THRAP3: variants seen among roughly 807,000 people sequenced by gnomAD.
THRAP3 encodes the protein thyroid hormone receptor associated protein 3.
A neutral mutation model predicts 101.0 loss-of-function variants in THRAP3; 16 were observed. The ratio of observed to expected loss-of-function variants is 0.16; its 90% confidence interval spans 0.11 to 0.24. THRAP3 has a LOEUF of 0.24. Among genes scored for constraint, THRAP3 ranks in the 10% least tolerant of loss-of-function variants. The pLI is 1.00. For synonymous variants in THRAP3, 407 were observed against 422.6 expected (o/e 0.96, Z 0.45); for missense variants, 989 against 1,202.7 (o/e 0.82, Z 2.63).
Position 36,256,799 on chromosome 1 carries a change from ATTC to A in THRAP3, c.-134-2580_-134-2578del, listed in dbSNP as rs374675522. On this transcript the variant is annotated intron_variant, in intron 1 of 11. Coordinates refer to ENST00000354618, the MANE Select transcript of THRAP3 (RefSeq NM_005119.4). ...ATTGGTAACCGTTTGCATTGCAGAC[ATTC>A]TTTTTTTTTGAGACAAGAGTTTCGC... 1.6e-3 allele frequency among the ~76,000 whole-genome samples: 237 copies of A among 151,922 alleles called. 2 individuals carry two copies. Among genetic ancestry groups the A allele is most frequent in the African/African-American group, 5.3e-3 (221 of 41,432 alleles).
upstream of THRAP3, among the ~76,000 whole-genome samples, chr1:36,219,930 C>G (rs1644894261): frequency 6.6e-6 from 1 of 152,170 alleles, no homozygotes; most frequent in African/African-American, 2.4e-5. Flanking sequence ...TCCTAAGGCC[C>G]TTAAGAATTA....
At position 36,292,611 on chromosome 1, in the gene THRAP3, G is replaced by A. The variant is rs1277834302; in HGVS notation, c.1932G>A (p.Gly644=). The change falls in exon 7 of 12, where the codon GGG becomes GGA. Residue 644 remains glycine (G), a synonymous_variant. Transcript: ENST00000354618. ...TAATCCCAACAGAGCATCACTTTGGGTCCTCAGGAATGACATTACATGAAC... is the reference window on the plus strand; with the variant it reads ...TAATCCCAACAGAGCATCACTTTGGATCCTCAGGAATGACATTACATGAAC... ...IVHHVKEHHF[G]SSGMTLHERF... is the part of the protein sequence containing the mutation. 1 of 1,613,174 alleles carries A rather than the reference G, an allele frequency of 6.2e-7. No individual in the cohort carries two copies. Among genetic ancestry groups the A allele is most frequent in the South Asian group, 1.1e-5 (1 of 90,952 alleles).
rs71053920 is a variant in THRAP3 at position 36,293,028 on chromosome 1, C to CTTTTTTTTTTTTTTT, written c.2030+323_2030+337dup. The stretch of plus-strand genomic sequence containing the variant: ...AGTAAATGCTAGTTTCTTTTCTTGT[C>CTTTTTTTTTTTTTTT]TTTTTTTTTTTTTTTTTTGAGATGG... On this transcript the variant is annotated intron_variant, in intron 7 of 11. Coordinates refer to ENST00000354618, the MANE Select transcript of THRAP3 (RefSeq NM_005119.4). Among the ~76,000 whole-genome samples the CTTTTTTTTTTTTTTT allele has an allele frequency of 2.4e-3, 196 of 82,816 alleles. 25 individuals are homozygous for CTTTTTTTTTTTTTTT. Among genetic ancestry groups the CTTTTTTTTTTTTTTT allele is most frequent in the Non-Finnish European group, 3.4e-3 (151 of 44,568 alleles). 54.3% of individuals were successfully genotyped at this position (82,816 alleles called of 152,430 possible).
At chr1:36,225,255 TG>T (rs1426637556) in intron 1 of THRAP3, among the ~76,000 whole-genome samples, 1 of 152,196 alleles carries the variant, frequency 6.6e-6, no homozygotes, top group Non-Finnish European at 1.5e-5. Flanking sequence ...ACAGTGTTTA[TG>T]GGGAATTTGT....
intron 1 of THRAP3, among the ~76,000 whole-genome samples, chr1:36,233,903 C>T (rs1186050199): frequency 6.6e-6 from 1 of 152,188 alleles, no homozygotes; most frequent in African/African-American, 2.4e-5. Flanking sequence ...TCAATCAGAA[C>T]AGTTGTGCAT....
intron 1 of THRAP3, among the ~76,000 whole-genome samples, chr1:36,233,279 G>A (rs924789241): frequency 2.0e-5 from 3 of 151,680 alleles, no homozygotes; most frequent in African/African-American, 7.3e-5. Flanking sequence ...AGGCTGAGAT[G>A]GGCGGATCAC....
At chr1:36,233,193 A>G (rs1016837386) in intron 1 of THRAP3, among the ~76,000 whole-genome samples, 1 of 149,602 alleles carries the variant, frequency 6.7e-6, no homozygotes, top group African/African-American at 2.4e-5. Context: ...TAAGATGTGT[A>G]CATTTATTGT....
Position 36,300,985 on chromosome 1 carries a change from AAG to A in THRAP3, c.2408_2409del (p.Glu803GlyfsTer7). ...AAGAGTACACTGAAGAGACAGAGGA[AAG>A]AGAGGAGAGCACCACGGGCTTTGAC... ...AEEYTEETEE[R>X]EESTTGFDKS... On this transcript the variant is annotated frameshift_variant, in exon 10 of 12. Coordinates refer to ENST00000354618, the MANE Select transcript of THRAP3 (RefSeq NM_005119.4). LOFTEE classifies it high-confidence loss of function. 2 of 1,614,178 alleles carry A rather than the reference AAG, an allele frequency of 1.2e-6. No homozygotes were observed. The highest frequency in any genetic ancestry group is 1.7e-6 in the Non-Finnish European group (2 of 1,180,016).
At position 36,243,917 on chromosome 1, in the gene THRAP3, C is replaced by T. The variant is rs1424769814; in HGVS notation, c.-134-15465C>T. 1.1e-4 allele frequency among the ~76,000 whole-genome samples: 15 copies of T among 136,744 alleles called. 1 individual carries two copies. Among genetic ancestry groups the T allele is most frequent in the African/African-American group, 2.5e-4 (9 of 36,692 alleles). The allele number at this position is 136,744 out of a possible 152,430, so 89.7% of individuals were successfully genotyped here. A position where few individuals can be genotyped will look rare whatever the true frequency, so the allele number is the denominator to read the frequency against. ...CTCCCAGACGGGGCGGCTGGCCGGG[C>T]GGGGGGCTGACCCCCCCACCTCCCT... On this transcript the variant is annotated intron_variant, in intron 1 of 11. Transcript: ENST00000354618.
intron 2 of THRAP3, among the ~76,000 whole-genome samples, chr1:36,271,226 A>G (rs1014434610): frequency 6.6e-6 from 1 of 152,212 alleles, no homozygotes; most frequent in Non-Finnish European, 1.5e-5. Flanking sequence ...TTCAGTATTT[A>G]AAGTTTTAAG....
intron 8 of THRAP3, among the ~76,000 whole-genome samples, chr1:36,295,956 T>TA: frequency 3.0e-5 from 1 of 32,832 alleles, no homozygotes; most frequent in Non-Finnish European, 7.3e-5. Context: ...CTTCTCAACT[T>TA]TTTTTTTTTT....
Position 36,286,696 on chromosome 1 carries a change from C to G in THRAP3, c.466C>G (p.Arg156Gly). The change falls in exon 4 of 12, where the codon CGC becomes GGC. Residue 156 changes from arginine to glycine, a missense_variant. Arg to Gly is a moderately radical substitution (Grantham distance 125). Coordinates refer to ENST00000354618, the MANE Select transcript of THRAP3 (RefSeq NM_005119.4). This position sits in a 1 kb window ranked among gnomAD's most constrained non-coding sequence, Gnocchi z 5.5. Reference sequence around the variant, plus strand: ...TAAGTCGTCTTCTGACCGGTCAAGGCGCTCCTCATCCTCCCGTTCTTCCTC... The same window carrying G: ...TAAGTCGTCTTCTGACCGGTCAAGGGGCTCCTCATCCTCCCGTTCTTCCTC... ...SDKSSSDRSR[R>G]SSSSRSSSNH... 1.2e-6 allele frequency: 2 copies of G among 1,614,200 alleles called. No homozygotes were observed. Among genetic ancestry groups the G allele is most frequent in the Non-Finnish European group, 1.7e-6 (2 of 1,180,040 alleles).
intron 2 of THRAP3, among the ~76,000 whole-genome samples, chr1:36,280,055 C>T (rs190528536): frequency 2.0e-5 from 3 of 152,228 alleles, no homozygotes; most frequent in Non-Finnish European, 1.5e-5. Flanking sequence ...GAGGCCAGGG[C>T]AGGAGGATCC....
chr1:36,226,546 A>C (rs1281691527), intron 1 of THRAP3, among the ~76,000 whole-genome samples: 1 of 152,214 alleles, frequency 6.6e-6, no homozygotes, highest in East Asian at 1.9e-4. Flanking sequence ...GGCGTAAGCC[A>C]CCGCGCCCGG....
chr1:36,273,636 A>G (rs1217146226), intron 2 of THRAP3, among the ~76,000 whole-genome samples: 1 of 152,216 alleles, frequency 6.6e-6, no homozygotes, highest in African/African-American at 2.4e-5. Flanking sequence ...AAGAAGTAAA[A>G]TCATCTCTTT....
intron 6 of THRAP3, 65 bp from the exon 7 acceptor site, chr1:36,292,533 G>T: frequency 7.7e-7 from 1 of 1,293,904 alleles, no homozygotes; most frequent in African/African-American, 1.5e-5. Context: ...GCCTCCGAAA[G>T]TGGTGGGATT....
chr1:36,211,042 T>C, the THRAP3 span, among the ~76,000 whole-genome samples: 1 of 150,074 alleles, frequency 6.7e-6, no homozygotes, highest in Admixed American at 6.7e-5. Context: ...TGAGACCCTC[T>C]CTCCACATAA....
At chr1:36,258,100 A>G (rs558153881) in intron 1 of THRAP3, among the ~76,000 whole-genome samples, 2 of 152,316 alleles carry the variant, frequency 1.3e-5, no homozygotes, top group South Asian at 2.1e-4. Context: ...CGGCCTCCCA[A>G]AGTGCTGGGA....
intron 4 of THRAP3, chr1:36,288,457 C>A (rs1380002388): frequency 2.0e-6 from 2 of 985,306 alleles, no homozygotes; most frequent in African/African-American, 3.5e-5. Flanking sequence ...TGAGCATGAG[C>A]TCTGCTTTTC....
Sources: allele counts gnomAD v4.1 joint callset (sites outside exome capture counted in the v4.1 genomes callset), GRCh38; gene constraint gnomAD v4.1.1; non-coding constraint Gnocchi (gnomAD v3.1); transcripts MANE v1.5; gene names NCBI Gene and HGNC (gene_info 2026-07-23, HGNC 2026-07-21).